Variants in UHRF1 observed in about 807,000 individuals in gnomAD.
The protein encoded by UHRF1 is ubiquitin like with PHD and ring finger domains 1.
In UHRF1, 9 loss-of-function variants were observed where a neutral mutation model predicts 96.5. That is an observed-to-expected ratio of 0.09 (90% CI 0.06 to 0.16). The LOEUF is 0.16. Among genes scored for constraint, UHRF1 ranks in the 10% least tolerant of loss-of-function variants. UHRF1 has a pLI of 1.00. For missense variants in UHRF1, 626 were observed against 1,131.1 expected, an observed-to-expected ratio of 0.55 and a Z score of 6.40; for synonymous variants, 455 against 469.9, an observed-to-expected ratio of 0.97 and a Z score of 0.41.
At position 4,921,643 on chromosome 19, in the gene UHRF1, T is replaced by A. The variant is rs2032707293; in HGVS notation, c.154-7579T>A. ...TGATGGCCCATGCCTGTAGTCCCAG[T>A]TACTTGGAGGGGCCGAGGCGGGAGG... On this transcript the variant is annotated intron_variant, in intron 2 of 16. Transcript: ENST00000650932. Among the ~76,000 whole-genome samples, 3 of 150,952 alleles carry A rather than the reference T, an allele frequency of 2.0e-5. No homozygotes were observed. The South Asian group carries it at 6.3e-4, about 32-fold the overall frequency.
At chr19:4,957,664 C>A (rs549752442) in intron 16 of UHRF1, among the ~76,000 whole-genome samples, 19 of 152,196 alleles carry the variant, frequency 1.2e-4, no homozygotes, top group African/African-American at 3.4e-4. Flanking sequence ...TCTCTTCCCC[C>A]CTGTGCTGTG....
At chr19:4,908,024 A>G (rs1205761654), upstream of UHRF1, among the ~76,000 whole-genome samples, 1 of 152,086 alleles carries the variant, frequency 6.6e-6, no homozygotes, top group Admixed American at 6.6e-5. Flanking sequence ...TGGCCTGATC[A>G]TTGTAAAGCC....
chr19:4,952,498 ACT>A (rs2033746331), intron 13 of UHRF1, among the ~76,000 whole-genome samples: 1 of 140,670 alleles, frequency 7.1e-6, no homozygotes. Context: ...GGCTCAAGCG[ACT>A]CTCTCATCTC....
chr19:4,922,557 C>T (rs1403403076), intron 2 of UHRF1, among the ~76,000 whole-genome samples: 4 of 152,370 alleles, frequency 2.6e-5, no homozygotes, highest in East Asian at 3.9e-4. Flanking sequence ...CGTGCACCAC[C>T]GTGCCTGACC....
intron 2 of UHRF1, among the ~76,000 whole-genome samples, chr19:4,923,113 A>G (rs1265466130): frequency 2.6e-5 from 4 of 152,098 alleles, no homozygotes; most frequent in Non-Finnish European, 5.9e-5. Context: ...CCCAGACCAC[A>G]GCCCTTGCCC....
intron 4 of UHRF1, among the ~76,000 whole-genome samples, chr19:4,932,056 G>A (rs2033070149): frequency 6.6e-6 from 1 of 152,112 alleles, no homozygotes; most frequent in Non-Finnish European, 1.5e-5. Flanking sequence ...AGCCTCCCGA[G>A]TAGCTGGGAT....
chr19:4,938,019 T>G (rs1047848159), intron 5 of UHRF1, among the ~76,000 whole-genome samples: 4 of 152,078 alleles, frequency 2.6e-5, no homozygotes, highest in African/African-American at 9.7e-5. Flanking sequence ...CTGGGCTTGG[T>G]GGTGTGCACC....
chr19:4,956,572 G>A (rs905832705), intron 15 of UHRF1, 137 bp from the exon 16 acceptor site: 8 of 656,526 alleles, frequency 1.2e-5, no homozygotes, highest in African/African-American at 7.2e-5. Context: ...GAACGGGGAC[G>A]ATCATGGCCC....
chr19:4,911,919 A>T (rs1402774658), intron 2 of UHRF1, among the ~76,000 whole-genome samples: 1 of 151,974 alleles, frequency 6.6e-6, no homozygotes. Context: ...AGCTGCGTGT[A>T]CCCCACTGTG....
intron 16 of UHRF1, among the ~76,000 whole-genome samples, chr19:4,957,092 A>C (rs2033876216): frequency 6.6e-6 from 1 of 152,062 alleles, no homozygotes; most frequent in Admixed American, 6.6e-5. Context: ...CACATCCCCT[A>C]GGGGTCAGGA....
chr19:4,944,417 C>A lies in UHRF1; in HGVS notation c.1272C>A (p.Ile424=), dbSNP rs756022467. ...ACCACTACGGACCCATCCCGGGGAT[C>A]CCCGTGGGCACCATGTGGCGGTTCC... ...PSNHYGPIPG[I]PVGTMWRFRV... is the part of the protein sequence containing the mutation. Residue 424 remains isoleucine (I), a synonymous_variant, in exon 9 of 17, where the codon ATC becomes ATA. Coordinates refer to ENST00000650932, the MANE Select transcript of UHRF1 (RefSeq NM_001048201.3). 11 of 1,614,014 alleles carry A rather than the reference C, an allele frequency of 6.8e-6. No homozygotes were observed.
At chr19:4,941,439 C>A in intron 5 of UHRF1, 89 bp from the exon 6 acceptor site, 1 of 976,022 alleles carries the variant, frequency 1.0e-6, no homozygotes, top group Non-Finnish European at 1.6e-6. Context: ...TTGCCCCAGG[C>A]ATCCCGAGAA....
At chr19:4,959,425 C>G (rs193298234) in intron 16 of UHRF1, among the ~76,000 whole-genome samples, 55 of 152,334 alleles carry the variant, frequency 3.6e-4, no homozygotes, top group African/African-American at 1.3e-3. Flanking sequence ...ACCGCCCTCG[C>G]CCAGCTGTGT....
rs17880621 is a variant in UHRF1, at chr19:4,944,050, C to A, written c.1074-82C>A. ...TGGTGCCAGGCGGGGAGAGCCATGT[C>A]CGTGGTGTGTGGGCAGAGGGCACAT... On this transcript the variant is annotated intron_variant, in intron 7 of 16. Coordinates refer to ENST00000650932, the MANE Select transcript of UHRF1 (RefSeq NM_001048201.3). The A allele has an allele frequency of 2.3e-3, 3,579 of 1,574,140 alleles. 86 individuals are homozygous for A. In the African/African-American group the frequency reaches 0.042, roughly 18 times the overall value.
chr19:4,958,816 T>G (rs967758840), intron 16 of UHRF1, among the ~76,000 whole-genome samples: 1 of 151,604 alleles, frequency 6.6e-6, no homozygotes, highest in African/African-American at 2.4e-5. Flanking sequence ...TACTAAAAAT[T>G]AAAACAAAAT....
intron 2 of UHRF1, among the ~76,000 whole-genome samples, chr19:4,922,651 C>T (rs1167340895): frequency 6.6e-6 from 1 of 152,228 alleles, no homozygotes; most frequent in Non-Finnish European, 1.5e-5. Flanking sequence ...AACTAAGCTT[C>T]CTCCTTCGCG....
At chr19:4,943,482 T>G (rs944533625) in intron 7 of UHRF1, among the ~76,000 whole-genome samples, 5 of 143,784 alleles carry the variant, frequency 3.5e-5, no homozygotes, top group Non-Finnish European at 6.0e-5. Context: ...GAAGTGGGTG[T>G]TGTTGTTGCC....
chr19:4,918,715 G>GTT lies in UHRF1; in HGVS notation c.153+7700_153+7701dup, dbSNP rs536401524. Among the ~76,000 whole-genome samples, 528 of 115,288 alleles carry GTT rather than the reference G, an allele frequency of 4.6e-3. 10 individuals carry two copies. The highest frequency in any genetic ancestry group is 0.013 in the African/African-American group (371 of 27,700). 75.6% of individuals were successfully genotyped at this position (115,288 alleles called of 152,430 possible). A position where few individuals can be genotyped will look rare whatever the true frequency, so the allele number is the denominator to read the frequency against. The stretch of plus-strand genomic sequence containing the variant: ...AGGCGTGAGCTACTGTGCCCAGCTG[G>GTT]TTTTTTTTTTTTTTTTTTTTTTTTA... On this transcript the variant is annotated intron_variant, in intron 2 of 16. Coordinates refer to ENST00000650932, the MANE Select transcript of UHRF1 (RefSeq NM_001048201.3).
chr19:4,944,488 G>C (rs1374460655), intron 9 of UHRF1, 38 bp downstream of exon 9: 2 of 1,607,992 alleles, frequency 1.2e-6, no homozygotes, highest in Non-Finnish European at 1.7e-6. Flanking sequence ...GGCCACGCGG[G>C]CTCATCCTGC....
Sources: allele counts gnomAD v4.1 joint callset (sites outside exome capture counted in the v4.1 genomes callset), GRCh38; gene constraint gnomAD v4.1.1; transcripts MANE v1.5; gene names NCBI Gene and HGNC (gene_info 2026-07-23, HGNC 2026-07-21).